ADAM17: variants seen among roughly 807,000 people sequenced by gnomAD.
ADAM17 encodes the protein ADAM metallopeptidase domain 17, also known as disintegrin and metalloproteinase domain-containing protein 17.
In ADAM17, 39 loss-of-function variants were observed where a neutral mutation model predicts 96.7. That is an observed-to-expected ratio of 0.40 (90% confidence interval 0.31 to 0.53). The LOEUF (loss-of-function observed/expected upper bound fraction) is 0.53, where lower values mean the gene tolerates loss of function less well. Among genes scored for constraint, ADAM17 ranks in the 20% least tolerant of loss-of-function variants. ADAM17 has a pLI of 0.44. For synonymous variants in ADAM17, 344 were observed against 359.2 expected, an observed-to-expected ratio of 0.96 and a Z score of 0.48; for missense variants, 777 against 1,013.2, an observed-to-expected ratio of 0.77 and a Z score of 3.17.
chr2:9,518,903 G>A (rs1442403363), intron 8 of ADAM17, among the ~76,000 whole-genome samples: 2 of 151,406 alleles, frequency 1.3e-5, no homozygotes, highest in Non-Finnish European at 2.9e-5. Flanking sequence ...ATTTGGGGGG[G>A]GGGTTTGATT....
chr2:9,492,771 A>C (rs1373937132), intron 17 of ADAM17, 127 bp downstream of exon 17: 4 of 701,618 alleles, frequency 5.7e-6, no homozygotes, highest in Non-Finnish European at 9.0e-6. Context: ...ATAACAACAA[A>C]AAAAGCTATT....
At chr2:9,554,738 T>A (rs1038103992) in intron 1 of ADAM17, among the ~76,000 whole-genome samples, 1 of 152,166 alleles carries the variant, frequency 6.6e-6, no homozygotes, top group Non-Finnish European at 1.5e-5. Context: ...CCTTAATGCA[T>A]CTCCATCCTT....
intron 13 of ADAM17, among the ~76,000 whole-genome samples, chr2:9,498,388 ATGAG>A (rs1325025530): frequency 6.6e-6 from 1 of 152,246 alleles, no homozygotes; most frequent in Non-Finnish European, 1.5e-5. Context: ...ACAGGATGGA[ATGAG>A]TGAATCATTC....
chr2:9,534,577 A>G lies in ADAM17; in HGVS notation c.450+1257T>C, dbSNP rs549277366. Among the ~76,000 whole-genome samples, 3 of 152,268 alleles carry G rather than the reference A, an allele frequency of 2.0e-5. No homozygotes were observed. In the East Asian group the frequency reaches 5.8e-4, roughly 29 times the overall value. On this transcript the variant is annotated intron_variant, in intron 4 of 18. Coordinates refer to ENST00000310823, the MANE Select transcript of ADAM17 (RefSeq NM_003183.6). ...ACAAACAAAACCCTAATTTAGATCT[A>G]TATTAACACGAAAAGGTTCATAATC...
At position 9,520,920 on chromosome 2, in the gene ADAM17, C is replaced by T. The variant is rs1382885570; in HGVS notation, c.957+283G>A. Among the ~76,000 whole-genome samples the T allele has an allele frequency of 3.9e-5, 5 of 128,098 alleles. 1 individual carries two copies. Among genetic ancestry groups the T allele is most frequent in the Non-Finnish European group, 8.2e-5 (5 of 60,828 alleles). The allele number at this position is 128,098 out of a possible 152,430, so 84.0% of individuals were successfully genotyped here. A position where few individuals can be genotyped will look rare whatever the true frequency, so the allele number is the denominator to read the frequency against. Reference sequence around the variant, plus strand: ...TGGAGGTTGCGGTGAGCCAAGATCACGCCATTGCCCTCCAGCCAGGGCAAC... The same window carrying T: ...TGGAGGTTGCGGTGAGCCAAGATCATGCCATTGCCCTCCAGCCAGGGCAAC... On this transcript the variant is annotated intron_variant, in intron 8 of 18. Transcript: ENST00000310823.
chr2:9,522,070 C>T (rs1248658696), intron 7 of ADAM17: 2 of 206,186 alleles, frequency 9.7e-6, no homozygotes. Flanking sequence ...CTATATTATT[C>T]CTGTTTCTTC....
chr2:9,527,961 CAG>C lies in ADAM17; in HGVS notation c.451-9_451-8del. On this transcript the variant is annotated splice_polypyrimidine_tract_variant and splice_region_variant and intron_variant, in intron 4 of 18. Coordinates refer to ENST00000310823, the MANE Select transcript of ADAM17 (RefSeq NM_003183.6). ...TAACAAATCTCCAAAGTGGCTAAAA[CAG>C]AAAATATATACGACTGAGATGGAAA... 6.7e-7 allele frequency: 1 copy of C among 1,499,614 alleles called. No individual in the cohort carries two copies. The highest frequency in any genetic ancestry group is 9.0e-7 in the Non-Finnish European group (1 of 1,115,702). The allele number at this position is 1,499,614 out of a possible 1,614,324, so 92.9% of individuals were successfully genotyped here.
chr2:9,538,534 C>T (rs1243593503), intron 2 of ADAM17, among the ~76,000 whole-genome samples: 1 of 152,124 alleles, frequency 6.6e-6, no homozygotes, highest in Non-Finnish European at 1.5e-5. Flanking sequence ...TCCAGTTATG[C>T]TGAGAACTTT....
chr2:9,550,735 G>C (rs1018852801), intron 1 of ADAM17, among the ~76,000 whole-genome samples: 1 of 151,600 alleles, frequency 6.6e-6, no homozygotes, highest in African/African-American at 2.4e-5. Context: ...GTAAGCCACT[G>C]TGTCCAGCTA....
At chr2:9,504,653 T>C (rs911027828) in intron 12 of ADAM17, among the ~76,000 whole-genome samples, 1 of 148,612 alleles carries the variant, frequency 6.7e-6, no homozygotes, top group Admixed American at 6.8e-5. Context: ...GTCCCACTAC[T>C]CAGGAGGCTA....
At chr2:9,514,576 A>C (rs1329363466) in intron 10 of ADAM17, among the ~76,000 whole-genome samples, 4 of 124,496 alleles carry the variant, frequency 3.2e-5, no homozygotes, top group Non-Finnish European at 4.9e-5. Flanking sequence ...TATAAATAAA[A>C]AGAGACAGGG....
At chr2:9,496,264 G>A (rs1476756127) in intron 14 of ADAM17, 1 of 152,120 alleles carries the variant, frequency 6.6e-6, no homozygotes, top group Admixed American at 6.6e-5. Flanking sequence ...TAGCAGCTGG[G>A]ATTACAGGTG....
intron 14 of ADAM17, 22 bp downstream of exon 14, chr2:9,497,092 G>A (rs758070478): frequency 6.2e-7 from 1 of 1,610,316 alleles, no homozygotes; most frequent in Admixed American, 1.7e-5. Flanking sequence ...CCTGCTGCTG[G>A]ACTGGGAATA....
In ADAM17 at chr2:9,555,784, C is replaced by T; in HGVS notation, c.-179G>A. The T allele has an allele frequency of 2.1e-6, 1 of 476,906 alleles. No homozygotes were observed. The highest frequency in any genetic ancestry group is 3.6e-6 in the Non-Finnish European group (1 of 279,020). The allele number at this position is 476,906 out of a possible 1,614,324, so 29.5% of individuals were successfully genotyped here. On this transcript the variant is annotated 5_prime_UTR_variant, in exon 1 of 19. Transcript: ENST00000310823. ...GCCAGGCTCGACGCCCCCAGAAGTGCAGGTGGCGTTACCAAAGGCCGGCTC... is the reference window on the plus strand; with the variant it reads ...GCCAGGCTCGACGCCCCCAGAAGTGTAGGTGGCGTTACCAAAGGCCGGCTC...
chr2:9,529,821 A>C (rs1360565183), intron 4 of ADAM17, among the ~76,000 whole-genome samples: 1 of 151,946 alleles, frequency 6.6e-6, no homozygotes, highest in Non-Finnish European at 1.5e-5. Context: ...AAACACAAAA[A>C]TCAGCCGGGC....
At position 9,505,146 on chromosome 2, in the gene ADAM17, C is replaced by T; in HGVS notation, c.1544+20G>A. ...CTTGTTATACCAACTTCCCAAAATC[C>T]CTGTGGAGAGACTCCTCACCTGCAC... On this transcript the variant is annotated intron_variant, in intron 12 of 18. Coordinates refer to ENST00000310823, the MANE Select transcript of ADAM17 (RefSeq NM_003183.6). The T allele has an allele frequency of 6.2e-7, 1 of 1,613,682 alleles. No individual in the cohort carries two copies. The highest frequency in any genetic ancestry group is 8.5e-7 in the Non-Finnish European group (1 of 1,179,686).
rs1665341226 is a variant in ADAM17, at chr2:9,544,731, C to T, written c.98-1446G>A. Among the ~76,000 whole-genome samples, 4 of 151,588 alleles carry T rather than the reference C, an allele frequency of 2.6e-5. No homozygotes were observed. The South Asian group carries it at 8.3e-4, about 32-fold the overall frequency. On this transcript the variant is annotated intron_variant, in intron 1 of 18. Transcript: ENST00000310823. ...GTCCCAGCTACTCATGAGGCTGAGG[C>T]AGAAGAATCGCTTGAACCTGGGAGG...
intron 5 of ADAM17, among the ~76,000 whole-genome samples, chr2:9,526,983 ATTTC>A (rs1664557993): frequency 6.6e-6 from 1 of 152,026 alleles, no homozygotes; most frequent in African/African-American, 2.4e-5. Flanking sequence ...TAAATTAAGA[ATTTC>A]TTTATTTATA....
intron 2 of ADAM17, among the ~76,000 whole-genome samples, chr2:9,537,715 C>T (rs1665017714): frequency 6.6e-6 from 1 of 151,180 alleles, no homozygotes; most frequent in Non-Finnish European, 1.5e-5. Context: ...GCGAGACTCC[C>T]GCTCAAAATA....
Sources: allele counts gnomAD v4.1 joint callset (sites outside exome capture counted in the v4.1 genomes callset), GRCh38; gene constraint gnomAD v4.1.1; transcripts MANE v1.5; gene names NCBI Gene and HGNC (gene_info 2026-07-23, HGNC 2026-07-21).